The following DCC variants were observed in gnomAD, a reference collection of about 807,000 sequenced individuals.
DCC encodes the protein DCC netrin 1 receptor.
In DCC, 58 loss-of-function variants were observed where a neutral mutation model predicts 172.5. The observed-to-expected ratio is 0.34, with a 90% confidence interval of 0.27 to 0.42. The LOEUF (loss-of-function observed/expected upper bound fraction) is 0.42, where lower values mean the gene tolerates loss of function less well. Among genes scored for constraint, DCC ranks in the 10% least tolerant of loss-of-function variants. The pLI is 1.00. For synonymous variants in DCC, 709 were observed against 644.5 expected, an observed-to-expected ratio of 1.10 and a Z score of -1.52; for missense variants, 1,740 against 1,791.0, an observed-to-expected ratio of 0.97 and a Z score of 0.51.
At chr18:53,160,953 A>G (rs1324810364) in intron 8 of DCC, among the ~76,000 whole-genome samples, 2 of 152,134 alleles carry the variant, frequency 1.3e-5, no homozygotes, top group Non-Finnish European at 2.9e-5. Flanking sequence ...ACAAGATCCC[A>G]TCTTTTCTTA....
intron 2 of DCC, among the ~76,000 whole-genome samples, chr18:52,792,276 C>T (rs555228059): frequency 5.4e-4 from 82 of 152,174 alleles, no homozygotes; most frequent in Non-Finnish European, 1.1e-3. Context: ...ACAACATTCC[C>T]AGATCTTTCC....
At chr18:53,275,091 A>C (rs1244599476) in intron 12 of DCC, among the ~76,000 whole-genome samples, 1 of 152,166 alleles carries the variant, frequency 6.6e-6, no homozygotes, top group African/African-American at 2.4e-5. Context: ...GTGCATGCTT[A>C]GGATAGTGAG....
chr18:53,134,059 C>T (rs1346498498), intron 7 of DCC, among the ~76,000 whole-genome samples: 1 of 152,170 alleles, frequency 6.6e-6, no homozygotes, highest in Non-Finnish European at 1.5e-5. Flanking sequence ...GAATTATTTA[C>T]TTTCAGCCAG....
chr18:53,257,694 A>C (rs184914854), intron 12 of DCC, among the ~76,000 whole-genome samples: 1 of 152,148 alleles, frequency 6.6e-6, no homozygotes, highest in African/African-American at 2.4e-5. Flanking sequence ...TGTCTCTGCC[A>C]GGCTTTGGTA....
At chr18:52,653,350 G>A (rs181373597) in intron 1 of DCC, among the ~76,000 whole-genome samples, 1 of 152,226 alleles carries the variant, frequency 6.6e-6, no homozygotes, top group African/African-American at 2.4e-5. Context: ...GTATGACCAG[G>A]TGATATGTGA....
At chr18:53,244,316 G>A (rs748545261) in intron 12 of DCC, among the ~76,000 whole-genome samples, 1 of 152,010 alleles carries the variant, frequency 6.6e-6, no homozygotes, top group Non-Finnish European at 1.5e-5. Flanking sequence ...ACCAGTGATG[G>A]GGTTCCTTTT....
intron 12 of DCC, among the ~76,000 whole-genome samples, chr18:53,295,806 T>C (rs946062884): frequency 2.0e-5 from 3 of 152,210 alleles, no homozygotes; most frequent in Admixed American, 1.3e-4. Flanking sequence ...CATTATTATC[T>C]ACCGTGTTGC....
chr18:53,212,616 A>T (rs1004957740), intron 11 of DCC, among the ~76,000 whole-genome samples: 1 of 152,100 alleles, frequency 6.6e-6, no homozygotes, highest in Non-Finnish European at 1.5e-5. Flanking sequence ...CTTCAATACC[A>T]TTACAAAAGG....
chr18:52,831,433 A>G (rs1487656260), intron 2 of DCC, among the ~76,000 whole-genome samples: 1 of 152,168 alleles, frequency 6.6e-6, no homozygotes, highest in Non-Finnish European at 1.5e-5. Context: ...GCGTGAATGC[A>G]GGGAAGCCAG....
At chr18:52,585,955 C>A (rs1277984398) in intron 1 of DCC, among the ~76,000 whole-genome samples, 1 of 151,788 alleles carries the variant, frequency 6.6e-6, no homozygotes, top group African/African-American at 2.4e-5. Flanking sequence ...TCTTGGCGGG[C>A]CCCTGTAGTC....
chr18:52,606,184 T>C (rs2144827048), intron 1 of DCC, among the ~76,000 whole-genome samples: 1 of 152,098 alleles, frequency 6.6e-6, no homozygotes, highest in East Asian at 1.9e-4. Context: ...TTAGCTCTGT[T>C]CCCCAGAAGA....
At chr18:52,773,559 C>T (rs890803379) in intron 2 of DCC, among the ~76,000 whole-genome samples, 1 of 150,972 alleles carries the variant, frequency 6.6e-6, no homozygotes, top group South Asian at 2.1e-4. Flanking sequence ...CAGAGTCTCG[C>T]TGTGTCTCCC....
chr18:52,494,049 T>C (rs2030637694), intron 1 of DCC, among the ~76,000 whole-genome samples: 1 of 152,138 alleles, frequency 6.6e-6, no homozygotes, highest in Non-Finnish European at 1.5e-5. Context: ...CTTTCTGTTT[T>C]TGTTAAAATG....
chr18:53,251,664 C>T (rs934638187), intron 12 of DCC, among the ~76,000 whole-genome samples: 6 of 151,630 alleles, frequency 4.0e-5, no homozygotes, highest in African/African-American at 1.2e-4. Context: ...TATCAAATTG[C>T]GTGTGTGAGT....
intron 5 of DCC, among the ~76,000 whole-genome samples, chr18:52,933,403 T>TG (rs1318052983): frequency 8.4e-6 from 1 of 119,644 alleles, no homozygotes; most frequent in African/African-American, 3.3e-5. Context: ...GATGAGAGAA[T>TG]GGGGGAGGGA....
chr18:52,465,326 C>T (rs1050688884), intron 1 of DCC, among the ~76,000 whole-genome samples: 1 of 152,174 alleles, frequency 6.6e-6, no homozygotes, highest in Non-Finnish European at 1.5e-5. Context: ...GTATAAGTGA[C>T]TCTCAGCCAA....
chr18:53,076,229 TA>T (rs2042723399), intron 7 of DCC, among the ~76,000 whole-genome samples: 1 of 152,150 alleles, frequency 6.6e-6, no homozygotes, highest in African/African-American at 2.4e-5. Flanking sequence ...CTTTGTGAAT[TA>T]GGACTTCTGA....
chr18:52,682,201 G>A (rs773889977), intron 1 of DCC, among the ~76,000 whole-genome samples: 4 of 151,998 alleles, frequency 2.6e-5, no homozygotes, highest in Non-Finnish European at 5.9e-5. Context: ...GTAAAACACT[G>A]AATGGTTTTA....
intron 2 of DCC, among the ~76,000 whole-genome samples, chr18:52,761,908 C>CAAAAAAAAAAAAAAA (rs1222086354): frequency 2.1e-5 from 1 of 48,450 alleles, no homozygotes; most frequent in Non-Finnish European, 5.0e-5. Context: ...GACTCTGTCT[C>CAAAAAAAAAAAAAAA]AAAAAAAAAA....
Sources: allele counts gnomAD v4.1 joint callset (sites outside exome capture counted in the v4.1 genomes callset), GRCh38; gene constraint gnomAD v4.1.1; transcripts MANE v1.5; gene names NCBI Gene and HGNC (gene_info 2026-07-23, HGNC 2026-07-21).